The following CHRNA7 variants were observed in gnomAD, a reference collection of about 807,000 sequenced individuals.
CHRNA7 encodes the protein neuronal acetylcholine receptor subunit alpha-7.
Under a neutral mutation model 48.0 loss-of-function variants are expected in CHRNA7, and 17 were observed. The ratio of observed to expected loss-of-function variants is 0.35; its 90% CI spans 0.24 to 0.53. The LOEUF (loss-of-function observed/expected upper bound fraction) is 0.53. CHRNA7 is among the 20% of genes least tolerant of loss of function. The pLI, the probability that CHRNA7 is intolerant of heterozygous loss-of-function variation, is 0.92. For synonymous variants in CHRNA7, 75 were observed against 242.3 expected (o/e 0.31, Z 6.41); for missense variants, 155 against 577.7 (o/e 0.27, Z 7.50).
At chr15:32,044,748 C>T (rs1177752054) in intron 2 of CHRNA7, among the ~76,000 whole-genome samples, 1 of 152,224 alleles carries the variant, frequency 6.6e-6, no homozygotes, top group Admixed American at 6.5e-5. Flanking sequence ...GTTGCCCCAA[C>T]TGGGGAGAAA....
chr15:32,037,622 G>A (rs1020901174), intron 2 of CHRNA7, among the ~76,000 whole-genome samples: 4 of 152,022 alleles, frequency 2.6e-5, no homozygotes, highest in African/African-American at 9.7e-5. Flanking sequence ...TATAGATCTT[G>A]TAAATACTTT....
intron 2 of CHRNA7, among the ~76,000 whole-genome samples, chr15:32,088,376 A>C (rs2050331819): frequency 6.6e-6 from 1 of 152,208 alleles, no homozygotes; most frequent in Non-Finnish European, 1.5e-5. Context: ...TTTTGTGATT[A>C]TGCATTAGGC....
intron 3 of CHRNA7, among the ~76,000 whole-genome samples, chr15:32,108,676 C>G (rs2141274454): frequency 6.6e-6 from 1 of 152,298 alleles, no homozygotes; most frequent in Middle Eastern, 3.4e-3. Context: ...GTCTTCCCCA[C>G]CCTTGGCTGC....
At chr15:32,086,858 T>TTATCA (rs1267866282) in intron 2 of CHRNA7, among the ~76,000 whole-genome samples, 2 of 152,214 alleles carry the variant, frequency 1.3e-5, no homozygotes, top group African/African-American at 4.8e-5. Context: ...GTATTATATG[T>TTATCA]TATCATATCA....
intron 4 of CHRNA7, among the ~76,000 whole-genome samples, chr15:32,150,887 A>T (rs2141358807): frequency 6.6e-6 from 1 of 151,934 alleles, no homozygotes; most frequent in East Asian, 1.9e-4. Flanking sequence ...TCAAGCAAAG[A>T]ATATTTACAT....
chr15:32,100,133 C>T (rs1309987581), intron 2 of CHRNA7: 1 of 152,058 alleles, frequency 6.6e-6, no homozygotes, highest in Non-Finnish European at 1.5e-5. Context: ...ATTCGTTTTT[C>T]ATTTGCATCC....
chr15:32,059,443 C>T (rs1159695040), intron 2 of CHRNA7, among the ~76,000 whole-genome samples: 1 of 152,100 alleles, frequency 6.6e-6, no homozygotes, highest in African/African-American at 2.4e-5. Flanking sequence ...CTTTCTGATG[C>T]TTGAACTGTC....
chr15:32,158,288 CCT>C (rs2051789446), intron 6 of CHRNA7, 122 bp from the exon 7 acceptor site: 53 of 743,344 alleles, frequency 7.1e-5, no homozygotes, highest in Admixed American at 1.1e-4. Flanking sequence ...ACAACCCCCC[CCT>C]TTTTTTTTTT....
intron 3 of CHRNA7, among the ~76,000 whole-genome samples, chr15:32,105,101 T>G (rs1302211298): frequency 6.6e-6 from 1 of 152,220 alleles, no homozygotes; most frequent in African/African-American, 2.4e-5. Flanking sequence ...ACCAGAGACC[T>G]CTAAATTTAT....
chr15:32,145,664 A>G lies in CHRNA7; in HGVS notation c.351-8243A>G, dbSNP rs552533517. Among the ~76,000 whole-genome samples, 11 of 152,306 alleles carry G rather than the reference A, an allele frequency of 7.2e-5. No homozygotes were observed. The East Asian group carries it at 1.9e-3, about 27-fold the overall frequency. On this transcript the variant is annotated intron_variant, in intron 4 of 9. Coordinates refer to ENST00000306901, the MANE Select transcript of CHRNA7 (RefSeq NM_000746.6). The stretch of plus-strand genomic sequence containing the variant: ...CCCCACCACCAGGCTGTAGCCTCAC[A>G]GATCGATCACAGACTGCTGTGCTAG...
At chr15:32,137,049 A>AAAAG in intron 4 of CHRNA7, among the ~76,000 whole-genome samples, 1 of 149,358 alleles carries the variant, frequency 6.7e-6, no homozygotes, top group Non-Finnish European at 1.5e-5. Flanking sequence ...AAAAAAAAGA[A>AAAAG]AAAAAAAAGA....
At chr15:32,075,459 C>A (rs920701775) in intron 2 of CHRNA7, among the ~76,000 whole-genome samples, 1 of 152,066 alleles carries the variant, frequency 6.6e-6, no homozygotes, top group African/African-American at 2.4e-5. Flanking sequence ...TTATTCATTT[C>A]GTCTAAATCG....
chr15:32,137,754 G>A (rs905191121), intron 4 of CHRNA7, among the ~76,000 whole-genome samples: 4 of 152,232 alleles, frequency 2.6e-5, no homozygotes, highest in African/African-American at 9.6e-5. Flanking sequence ...GTGTGTACGT[G>A]TGTGTGCACA....
chr15:32,056,377 G>A (rs746872145), intron 2 of CHRNA7, among the ~76,000 whole-genome samples: 2 of 152,044 alleles, frequency 1.3e-5, no homozygotes, highest in Admixed American at 6.5e-5. Flanking sequence ...TCACTTTTAA[G>A]CAGTTTTATG....
intron 2 of CHRNA7, among the ~76,000 whole-genome samples, chr15:32,076,538 G>A (rs1324649243): frequency 6.6e-6 from 1 of 152,108 alleles, no homozygotes; most frequent in East Asian, 1.9e-4. Context: ...TTCAAATCGT[G>A]TGTATTGTTT....
chr15:32,088,548 A>G (rs2050334723), intron 2 of CHRNA7, among the ~76,000 whole-genome samples: 1 of 152,178 alleles, frequency 6.6e-6, no homozygotes, highest in Admixed American at 6.5e-5. Context: ...CATTCTTACC[A>G]GCAATGAACG....
At chr15:32,056,308 T>A (rs191424871) in intron 2 of CHRNA7, among the ~76,000 whole-genome samples, 65 of 152,298 alleles carry the variant, frequency 4.3e-4, no homozygotes, top group Non-Finnish European at 8.7e-4. Context: ...TTTGTTACTG[T>A]TTTACCTCTC....
At chr15:32,080,478 G>T (rs185302449) in intron 2 of CHRNA7, among the ~76,000 whole-genome samples, 32 of 151,964 alleles carry the variant, frequency 2.1e-4, no homozygotes, top group Non-Finnish European at 3.8e-4. Context: ...AAAAATGGGC[G>T]AAAGGCAAGA....
chr15:32,108,274 C>G (rs2050704623), intron 3 of CHRNA7, among the ~76,000 whole-genome samples: 1 of 152,116 alleles, frequency 6.6e-6, no homozygotes, highest in South Asian at 2.1e-4. Flanking sequence ...CCTCACAACT[C>G]CACACACTCT....
Sources: allele counts gnomAD v4.1 joint callset (sites outside exome capture counted in the v4.1 genomes callset), GRCh38; gene constraint gnomAD v4.1.1; transcripts MANE v1.5; gene names NCBI Gene and HGNC (gene_info 2026-07-23, HGNC 2026-07-21).